NLRP7: variants seen among roughly 807,000 people sequenced by gnomAD.
NLRP7 encodes the protein NLR family pyrin domain containing 7.
NLRP7 carries 72 observed loss-of-function variants against 85.5 expected under a neutral mutation model. The observed-to-expected ratio is 0.84, with a 90% CI of 0.70 to 1.02. The LOEUF (loss-of-function observed/expected upper bound fraction) is 1.02, where lower values mean the gene tolerates loss of function less well. NLRP7 is among the 50% of genes least tolerant of loss of function. The probability of loss-of-function intolerance (pLI) is 0.00; values close to 1 mark genes in which losing one functional copy is unlikely to be tolerated. For synonymous variants in NLRP7, 550 were observed against 505.2 expected (o/e 1.09, Z -1.19); for missense variants, 1,243 against 1,219.5 (o/e 1.02, Z -0.29).
exon 5 of NLRP7, chr19:54,938,208 C>T (rs188306421): frequency 5.0e-6 from 8 of 1,614,082 alleles, no homozygotes; most frequent in Non-Finnish European, 6.8e-6. Context: ...GAAGATCCTG[C>T]CGAGCCCAGT....
exon 4 of NLRP7, chr19:54,940,371 C>T (rs777715559): frequency 7.4e-6 from 12 of 1,614,026 alleles, no homozygotes; most frequent in South Asian, 6.6e-5. Context: ...CTCAGAGTGA[C>T]GTCGTCATGG....
chr19:54,930,457 G>A, intron 9 of NLRP7, 42 bp downstream of exon 9: 1 of 1,419,694 alleles, frequency 7.0e-7, no homozygotes, highest in Middle Eastern at 1.9e-4. Context: ...GCAAGACCCT[G>A]TCTCAAAAAA....
At chr19:54,943,457 C>T (rs562011867) in intron 1 of NLRP7, among the ~76,000 whole-genome samples, 64 of 152,036 alleles carry the variant, frequency 4.2e-4, no homozygotes, top group African/African-American at 1.3e-3. Context: ...AACAATTAGC[C>T]GGGCGTGGTG....
chr19:54,959,349 G>A (rs1248614044), intron 1 of NLRP7, among the ~76,000 whole-genome samples: 1 of 150,570 alleles, frequency 6.6e-6, no homozygotes, highest in Non-Finnish European at 1.5e-5. Context: ...ATGTTGGCCA[G>A]GCTGGTCTCA....
intron 1 of NLRP7, among the ~76,000 whole-genome samples, chr19:54,953,879 C>G (rs1326254683): frequency 6.6e-6 from 1 of 150,788 alleles, no homozygotes; most frequent in Non-Finnish European, 1.5e-5. Context: ...TGGTGGCGGG[C>G]GCCTGTAGTC....
intron 9 of NLRP7, among the ~76,000 whole-genome samples, chr19:54,929,123 C>CT (rs2068566601): frequency 6.6e-6 from 1 of 152,128 alleles, no homozygotes; most frequent in East Asian, 1.9e-4. Context: ...AATCCCAGCA[C>CT]TTTGGGAGGT....
Position 54,952,938 on chromosome 19 carries a change from C to T in NLRP7, c.-76-5433G>A, listed in dbSNP as rs548899020. ...GGATTACCCGAAGTAGAGTTTGAGACCAGCCTGGCCAACACGGTGAAACCC... is the reference window on the plus strand; with the variant it reads ...GGATTACCCGAAGTAGAGTTTGAGATCAGCCTGGCCAACACGGTGAAACCC... On this transcript the variant is annotated intron_variant, in intron 1 of 2. Transcript: ENST00000587103. Among the ~76,000 whole-genome samples, 6 of 152,174 alleles carry T rather than the reference C, an allele frequency of 3.9e-5. No homozygotes were observed. The South Asian group carries it at 1.2e-3, about 32-fold the overall frequency.
In NLRP7 at chr19:54,941,073, T is replaced by C. The variant is rs73605954; in HGVS notation, c.278-68A>G. ...TTCGTAAATCAGACATTATTGTACA[T>C]AAAGTGTCAGCCAGGCATGGTGGCT... On this transcript the variant is annotated intron_variant, in intron 2 of 9. Transcript: ENST00000340844. The C allele has an allele frequency of 1.1e-3, 1,375 of 1,200,878 alleles. 9 individuals carry two copies. In the African/African-American group the frequency reaches 0.018, roughly 16 times the overall value. 74.4% of individuals were successfully genotyped at this position (1,200,878 alleles called of 1,614,324 possible). A position where few individuals can be genotyped will look rare whatever the true frequency, so the allele number is the denominator to read the frequency against.
At chr19:54,951,050 T>C (rs563092177), upstream of NLRP7, among the ~76,000 whole-genome samples, 7 of 152,312 alleles carry the variant, frequency 4.6e-5, no homozygotes, top group South Asian at 1.4e-3. Flanking sequence ...AAAGCACATC[T>C]TGCACAGCCC....
At chr19:54,935,219 T>C (rs2068856713) in intron 6 of NLRP7, among the ~76,000 whole-genome samples, 1 of 59,666 alleles carries the variant, frequency 1.7e-5, no homozygotes, top group Non-Finnish European at 3.1e-5. Flanking sequence ...TGGATGATTT[T>C]GCAGGGGGGA....
Position 54,934,493 on chromosome 19 carries a change from A to T in NLRP7, c.2467T>A (p.Leu823Met), listed in dbSNP as rs746464427. The change falls in exon 7 of 10, where the codon TTG becomes ATG. Residue 823 changes from leucine (L) to methionine (M), a missense_variant. By Grantham distance (15) the Leu-to-Met change is conservative. Transcript: ENST00000340844. The surrounding 1 kb of genome is among the most constrained non-coding windows in gnomAD (Gnocchi z 6.7). ...CCATGGGAAGAGGAGACTTACGACA[A>T]CATCTGCAGGAAGTGTTTTGGGCGT... is the stretch of plus-strand genomic sequence containing the variant. The T allele has an allele frequency of 3.1e-6, 5 of 1,614,014 alleles. No individual in the cohort carries two copies. The Admixed American group carries it at 6.7e-5, about 22-fold the overall frequency.
chr19:54,941,447 C>G, exon 2 of NLRP7: 1 of 1,606,764 alleles, frequency 6.2e-7, no homozygotes, highest in South Asian at 1.1e-5. Context: ...ATCATCTCAG[C>G]CTTTGCCATC....
intron 1 of NLRP7, among the ~76,000 whole-genome samples, chr19:54,946,550 G>T (rs569249181): frequency 2.0e-4 from 30 of 151,892 alleles, no homozygotes; most frequent in African/African-American, 7.0e-4. Flanking sequence ...GAGTGCAGTG[G>T]CTCAATCACA....
At chr19:54,926,058 G>A (rs892246112) in intron 9 of NLRP7, among the ~76,000 whole-genome samples, 5 of 140,256 alleles carry the variant, frequency 3.6e-5, no homozygotes, top group East Asian at 4.4e-4. Flanking sequence ...AAAAGACTCC[G>A]TCTCAAAAAA....
intron 9 of NLRP7, among the ~76,000 whole-genome samples, chr19:54,928,978 G>C (rs1243376069): frequency 6.6e-6 from 1 of 152,082 alleles, no homozygotes; most frequent in Admixed American, 6.6e-5. Flanking sequence ...AAGACACCAG[G>C]TAATCCACCC....
chr19:54,933,063 C>G (rs1341460016), intron 8 of NLRP7, among the ~76,000 whole-genome samples: 1 of 152,188 alleles, frequency 6.6e-6, no homozygotes, highest in African/African-American at 2.4e-5. Flanking sequence ...AACTACTCAT[C>G]TCAAATCTTC....
upstream of NLRP7, among the ~76,000 whole-genome samples, chr19:54,948,356 C>T (rs2069561241): frequency 1.3e-5 from 2 of 151,972 alleles, no homozygotes; most frequent in African/African-American, 4.8e-5. Context: ...TGCACTCCAG[C>T]CTGGGTGACA....
intron 1 of NLRP7, among the ~76,000 whole-genome samples, chr19:54,956,120 A>C (rs974883285): frequency 6.6e-6 from 1 of 151,552 alleles, no homozygotes; most frequent in Non-Finnish European, 1.5e-5. Context: ...AGCCTGGGCA[A>C]CAGAGGGAGA....
At chr19:54,957,599 C>T (rs1208687363) in intron 1 of NLRP7, among the ~76,000 whole-genome samples, 1 of 151,978 alleles carries the variant, frequency 6.6e-6, no homozygotes, top group Non-Finnish European at 1.5e-5. Flanking sequence ...CCCACCTTGG[C>T]CTCCCAAACT....
Sources: allele counts gnomAD v4.1 joint callset (sites outside exome capture counted in the v4.1 genomes callset), GRCh38; gene constraint gnomAD v4.1.1; non-coding constraint Gnocchi (gnomAD v3.1); transcripts MANE v1.5; gene names NCBI Gene and HGNC (gene_info 2026-07-23, HGNC 2026-07-21).